The following TMEM129 variants were observed in gnomAD, a reference collection of about 807,000 sequenced individuals.
TMEM129 encodes the protein transmembrane protein 129, E3 ubiquitin ligase.
In TMEM129, 35 loss-of-function variants were observed where a neutral mutation model predicts 34.1. The ratio of observed to expected loss-of-function variants is 1.03; its 90% CI spans 0.78 to 1.36. TMEM129 has a LOEUF of 1.36. Among genes scored for constraint, TMEM129 ranks in the 40% most tolerant of loss-of-function variants. TMEM129 has a pLI of 0.00. For missense variants in TMEM129, 504 were observed against 512.6 expected, an observed-to-expected ratio of 0.98 and a Z score of 0.16; for synonymous variants, 239 against 217.3, an observed-to-expected ratio of 1.10 and a Z score of -0.88.
rs763296352 is a variant in TMEM129, at chr4:1,718,393, T to C, written c.439A>G (p.Thr147Ala). 2 of 1,609,420 alleles carry C rather than the reference T, an allele frequency of 1.2e-6. No homozygotes were observed. The highest frequency in any genetic ancestry group is 1.7e-5 in the Admixed American group (1 of 59,540). ...GWQAVASSVNTEFRRIDKFAT... is the reference protein window; with the variant it reads ...GWQAVASSVNAEFRRIDKFAT... ...AACTTGTCAATCCGCCGGAACTCAG[T>C]GTTGACAGAGGAGGCAACAGCCTGC... Residue 147 changes from threonine (T) to alanine (A), a missense_variant, in exon 2 of 4, where the codon ACT becomes GCT. Physicochemically the swap from Thr to Ala is moderately conservative, Grantham distance 58 (BLOSUM62 0). Transcript: ENST00000382936.
In TMEM129 at chr4:1,717,567, T is replaced by C. The variant is rs2236786; in HGVS notation, c.789A>G (p.Thr263=). 296,016 of 1,548,846 alleles carry C rather than the reference T, an allele frequency of 0.19. 29,881 individuals are homozygous for C. Among genetic ancestry groups the C allele is most frequent in the Admixed American group, 0.28 (14,339 of 50,734 alleles). Residue 263 remains threonine (T), a synonymous_variant, in exon 3 of 4, where the codon ACA becomes ACG. Transcript: ENST00000382936. ...HQSLGDLFLE[T]FASLVEVNPA... The stretch of plus-strand genomic sequence containing the variant: ...GGTTGACCTCTACCAGGGAGGCAAA[T>C]GTCTCCAGGAACAGGTCGCCCAGGC...
In TMEM129 at chr4:1,716,986, C is replaced by T. The variant is rs1716990797; in HGVS notation, c.*194G>A. ...CAGGACTTGTACCCTGGCTGCCAAG[C>T]AGGGTGGGGTGTTTTCATGAGGATT... On this transcript the variant is annotated 3_prime_UTR_variant, in exon 4 of 4. Coordinates refer to ENST00000382936, the MANE Select transcript of TMEM129 (RefSeq NM_001127266.2). 3 of 615,224 alleles carry T rather than the reference C, an allele frequency of 4.9e-6. No individual in the cohort carries two copies. Among genetic ancestry groups the T allele is most frequent in the South Asian group, 1.2e-4 (2 of 16,332 alleles). 38.1% of individuals were successfully genotyped at this position (615,224 alleles called of 1,614,324 possible).
intron 2 of TMEM129, 68 bp from the exon 3 acceptor site, chr4:1,717,743 A>G (rs1717046744): frequency 1.4e-6 from 2 of 1,447,098 alleles, no homozygotes; most frequent in African/African-American, 1.4e-5. Context: ...GCTACACCCC[A>G]AGGAGTGACA....
chr4:1,719,851 GTTC>G (rs961455360), intron 1 of TMEM129, among the ~76,000 whole-genome samples: 5 of 152,222 alleles, frequency 3.3e-5, no homozygotes, highest in African/African-American at 4.8e-5. Flanking sequence ...CCTGCCTCCA[GTTC>G]TTCTGGGCCC....
chr4:1,716,647 C>T lies in TMEM129; in HGVS notation c.*533G>A, dbSNP rs1282952009. Reference sequence around the variant, plus strand: ...GAACAGCCCCTCAACTGGTCACAGCCACCAGGAAGCCCCAGGACTGCTCCC... The same window carrying T: ...GAACAGCCCCTCAACTGGTCACAGCTACCAGGAAGCCCCAGGACTGCTCCC... On this transcript the variant is annotated 3_prime_UTR_variant, in exon 4 of 4. Transcript: ENST00000382936. 1 of 153,776 alleles carries T rather than the reference C, an allele frequency of 6.5e-6. No individual in the cohort carries two copies. Among genetic ancestry groups the T allele is most frequent in the Non-Finnish European group, 1.4e-5 (1 of 69,054 alleles). The allele number at this position is 153,776 out of a possible 1,614,324, so 9.5% of individuals were successfully genotyped here.
chr4:1,718,477 AC>A lies in TMEM129; in HGVS notation c.354del (p.Trp119GlyfsTer46). On this transcript the variant is annotated frameshift_variant, in exon 2 of 4. Coordinates refer to ENST00000382936, the MANE Select transcript of TMEM129 (RefSeq NM_001127266.2). LOFTEE classifies it high-confidence loss of function. ...CILIYYWSRD[R>X]WACHPLARTL... The stretch of plus-strand genomic sequence containing the variant: ...GTGCGCGCCAGTGGGTGGCAGGCCC[AC>A]CGGTCACGGGACCAGTAGTAGATCA... 6.4e-7 allele frequency: 1 copy of A among 1,553,578 alleles called. No individual in the cohort carries two copies. The highest frequency in any genetic ancestry group is 8.7e-7 in the Non-Finnish European group (1 of 1,147,170).
Position 1,720,602 on chromosome 4 carries a change from G to A in TMEM129, c.205+31C>T, listed in dbSNP as rs1287764403. 6 of 1,527,050 alleles carry A rather than the reference G, an allele frequency of 3.9e-6. No individual in the cohort carries two copies. Among genetic ancestry groups the A allele is most frequent in the African/African-American group, 2.8e-5 (2 of 72,606 alleles). 94.6% of individuals were successfully genotyped at this position (1,527,050 alleles called of 1,614,324 possible). The stretch of plus-strand genomic sequence containing the variant: ...CTCCCAGCAAGCCCTGCGCAGGAGA[G>A]GATGCGGCCGGCCGGCCCGAGCAGC... On this transcript the variant is annotated intron_variant, in intron 1 of 3. Transcript: ENST00000382936. This position sits in a 1 kb window ranked among gnomAD's most constrained non-coding sequence, Gnocchi z 4.4.
chr4:1,718,399 C>T lies in TMEM129; in HGVS notation c.433G>A (p.Val145Ile). 6.2e-7 allele frequency: 1 copy of T among 1,607,300 alleles called. No homozygotes were observed. The highest frequency in any genetic ancestry group is 2.2e-5 in the East Asian group (1 of 44,688). Residue 145 changes from valine (V) to isoleucine (I), a missense_variant, in exon 2 of 4, where the codon GTC becomes ATC. Transcript: ENST00000382936. ...QSGWQAVASS[V>I]NTEFRRIDKF... ...TCAATCCGCCGGAACTCAGTGTTGA[C>T]AGAGGAGGCAACAGCCTGCCAGCCA...
Position 1,716,896 on chromosome 4 carries a change from CTG to C in TMEM129, c.*282_*283del. The stretch of plus-strand genomic sequence containing the variant: ...AATGGCTCGGGGGCAGACGCTGTGT[CTG>C]TGTGTGCAGGATCTGCCCCCACCAG... On this transcript the variant is annotated 3_prime_UTR_variant, in exon 4 of 4. Transcript: ENST00000382936. 1 of 382,700 alleles carries C rather than the reference CTG, an allele frequency of 2.6e-6. No homozygotes were observed. The highest frequency in any genetic ancestry group is 4.6e-6 in the Non-Finnish European group (1 of 216,294). The allele number at this position is 382,700 out of a possible 1,614,324, so 23.7% of individuals were successfully genotyped here. A position where few individuals can be genotyped will look rare whatever the true frequency, so the allele number is the denominator to read the frequency against.
intron 1 of TMEM129, chr4:1,718,934 C>T: frequency 4.0e-6 from 5 of 1,262,832 alleles, no homozygotes; most frequent in Non-Finnish European, 5.1e-6. Context: ...AGAGCTGACC[C>T]CTGGCCTGCC....
In TMEM129 at chr4:1,720,935, C is replaced by T; in HGVS notation, c.-98G>A. ...CGGACCTGTCGGTTGCGGCGGCCGC[C>T]GCCCGGCCGCCCGCGGGGCACTCTA... On this transcript the variant is annotated 5_prime_UTR_variant, in exon 1 of 4. Transcript: ENST00000382936. The surrounding 1 kb of genome is among the most constrained non-coding windows in gnomAD (Gnocchi z 4.4). The T allele has an allele frequency of 9.5e-7, 1 of 1,053,588 alleles. No homozygotes were observed. 65.3% of individuals were successfully genotyped at this position (1,053,588 alleles called of 1,614,324 possible). A position where few individuals can be genotyped will look rare whatever the true frequency, so the allele number is the denominator to read the frequency against.
chr4:1,718,702 G>T, intron 1 of TMEM129, 76 bp from the exon 2 acceptor site: 1 of 1,424,952 alleles, frequency 7.0e-7, no homozygotes, highest in Non-Finnish European at 9.1e-7. Flanking sequence ...CCTGGACCTG[G>T]CCCTCTGCCC....
chr4:1,717,484 C>A, intron 3 of TMEM129, 32 bp downstream of exon 3: 1 of 1,500,824 alleles, frequency 6.7e-7, no homozygotes, highest in Non-Finnish European at 9.0e-7. Flanking sequence ...GGGCACCCAC[C>A]CATCCACCCG....
At chr4:1,717,494 G>A (rs1006553499) in intron 3 of TMEM129, 22 bp downstream of exon 3, 46 of 1,504,744 alleles carry the variant, frequency 3.1e-5, no homozygotes, top group Non-Finnish European at 3.7e-5. Flanking sequence ...CCATCCACCC[G>A]GCCCTGGCCC....
chr4:1,720,488 G>C lies in TMEM129; in HGVS notation c.205+145C>G, dbSNP rs1216307667. On this transcript the variant is annotated intron_variant, in intron 1 of 3. Coordinates refer to ENST00000382936, the MANE Select transcript of TMEM129 (RefSeq NM_001127266.2). The surrounding 1 kb of genome is among the most constrained non-coding windows in gnomAD (Gnocchi z 4.4). ...CCTAAGCGCGCTCAGCCCACGCCGCGGTCCCTCTGGATGAGGACCGGCGCC... is the reference window on the plus strand; with the variant it reads ...CCTAAGCGCGCTCAGCCCACGCCGCCGTCCCTCTGGATGAGGACCGGCGCC... 4 of 1,082,964 alleles carry C rather than the reference G, an allele frequency of 3.7e-6. No homozygotes were observed. Among genetic ancestry groups the C allele is most frequent in the South Asian group, 3.4e-5 (2 of 57,972 alleles). 67.1% of individuals were successfully genotyped at this position (1,082,964 alleles called of 1,614,324 possible). A position where few individuals can be genotyped will look rare whatever the true frequency, so the allele number is the denominator to read the frequency against.
chr4:1,717,823 G>C lies in TMEM129; in HGVS notation c.681-148C>G, dbSNP rs1476639311. ...GCCAGAGCCCACGGACCCAGTGCCAGACAGCCCAGCCTGGGCACGGGACGG... is the reference window on the plus strand; with the variant it reads ...GCCAGAGCCCACGGACCCAGTGCCACACAGCCCAGCCTGGGCACGGGACGG... On this transcript the variant is annotated intron_variant, in intron 2 of 3. Transcript: ENST00000382936. 1.2e-5 allele frequency: 15 copies of C among 1,201,050 alleles called. No homozygotes were observed. In the South Asian group the frequency reaches 2.5e-4, roughly 20 times the overall value. 74.4% of individuals were successfully genotyped at this position (1,201,050 alleles called of 1,614,324 possible). A position where few individuals can be genotyped will look rare whatever the true frequency, so the allele number is the denominator to read the frequency against.
chr4:1,718,005 T>G (rs1160412395), intron 2 of TMEM129, 147 bp downstream of exon 2: 14 of 777,118 alleles, frequency 1.8e-5, no homozygotes, highest in Non-Finnish European at 2.6e-5. Context: ...ACTGGTGTCT[T>G]GTGGACACCT....
In TMEM129 at chr4:1,716,976, G is replaced by T; in HGVS notation, c.*204C>A. On this transcript the variant is annotated 3_prime_UTR_variant, in exon 4 of 4. Coordinates refer to ENST00000382936, the MANE Select transcript of TMEM129 (RefSeq NM_001127266.2). ...AGGAGGTGCCCAGGACTTGTACCCT[G>T]GCTGCCAAGCAGGGTGGGGTGTTTT... 1.8e-6 allele frequency: 1 copy of T among 552,742 alleles called. No homozygotes were observed. The highest frequency in any genetic ancestry group is 2.8e-6 in the Non-Finnish European group (1 of 359,564). The allele number at this position is 552,742 out of a possible 1,614,324, so 34.2% of individuals were successfully genotyped here.
chr4:1,718,055 A>G, intron 2 of TMEM129, 97 bp downstream of exon 2: 1 of 1,177,448 alleles, frequency 8.5e-7, no homozygotes, highest in Non-Finnish European at 1.2e-6. Context: ...TGGAGTCCAC[A>G]CCAGCTACAC....
Sources: allele counts gnomAD v4.1 joint callset (sites outside exome capture counted in the v4.1 genomes callset), GRCh38; gene constraint gnomAD v4.1.1; non-coding constraint Gnocchi (gnomAD v3.1); transcripts MANE v1.5; gene names NCBI Gene and HGNC (gene_info 2026-07-23, HGNC 2026-07-21).